DENND1B: variants seen among roughly 807,000 people sequenced by gnomAD.
The protein encoded by DENND1B is DENN domain-containing protein 1B.
Under a neutral mutation model 90.1 loss-of-function variants are expected in DENND1B, and 59 were observed. The ratio of observed to expected loss-of-function variants is 0.65; its 90% CI spans 0.53 to 0.81. The LOEUF is 0.81. Among genes scored for constraint, DENND1B ranks in the 40% least tolerant of loss-of-function variants. DENND1B has a pLI of 0.00. For missense variants in DENND1B, 862 were observed against 912.6 expected, an observed-to-expected ratio of 0.94 and a Z score of 0.71; for synonymous variants, 337 against 324.6, an observed-to-expected ratio of 1.04 and a Z score of -0.41.
chr1:197,617,362 A>C lies in DENND1B; in HGVS notation c.773+297T>G, dbSNP rs1572079378. ...CTCTAACTGACACCATAACTTCTAT[A>C]CAGTTTTCCTAACACAACTTAAGAC... is the stretch of plus-strand genomic sequence containing the variant. On this transcript the variant is annotated intron_variant, in intron 11 of 22. Transcript: ENST00000620048. Among the ~76,000 whole-genome samples, 3 of 151,242 alleles carry C rather than the reference A, an allele frequency of 2.0e-5. No homozygotes were observed. The East Asian group carries it at 5.9e-4, about 29-fold the overall frequency.
chr1:197,677,791 C>G (rs1215004584), intron 3 of DENND1B, among the ~76,000 whole-genome samples: 1 of 152,102 alleles, frequency 6.6e-6, no homozygotes, highest in Admixed American at 6.6e-5. Flanking sequence ...ACTCTCATAG[C>G]AAGAAATGAC....
At chr1:197,704,535 G>T (rs935962894) in intron 3 of DENND1B, among the ~76,000 whole-genome samples, 1 of 151,936 alleles carries the variant, frequency 6.6e-6, no homozygotes, top group East Asian at 1.9e-4. Context: ...ATACTCTCCT[G>T]TACAAAACCC....
At chr1:197,582,321 CA>C (rs941960048) in intron 15 of DENND1B, among the ~76,000 whole-genome samples, 1 of 151,946 alleles carries the variant, frequency 6.6e-6, no homozygotes, top group Non-Finnish European at 1.5e-5. Context: ...TCTAACAGTT[CA>C]AAAAAATTAT....
chr1:197,714,701 T>C (rs777196515), intron 3 of DENND1B, among the ~76,000 whole-genome samples: 8 of 152,110 alleles, frequency 5.3e-5, no homozygotes, highest in Non-Finnish European at 1.0e-4. Flanking sequence ...TTAACAAAGA[T>C]TTCATATTGT....
At chr1:197,569,542 A>G (rs962330550) in intron 15 of DENND1B, among the ~76,000 whole-genome samples, 1 of 140,854 alleles carries the variant, frequency 7.1e-6, no homozygotes, top group African/African-American at 2.7e-5. Flanking sequence ...GAATGGATGA[A>G]TACAAAAAGA....
chr1:197,670,416 A>G (rs1435421214), intron 5 of DENND1B, among the ~76,000 whole-genome samples: 2 of 128,090 alleles, frequency 1.6e-5, no homozygotes, highest in Non-Finnish European at 3.3e-5. Flanking sequence ...TGGGTGCACA[A>G]AAACAACAAT....
chr1:197,536,810 G>A (rs565676403), intron 20 of DENND1B, among the ~76,000 whole-genome samples: 2 of 152,200 alleles, frequency 1.3e-5, no homozygotes, highest in African/African-American at 4.8e-5. Flanking sequence ...GGGAGGCCGA[G>A]GCGGGCAGAT....
In DENND1B at chr1:197,564,860, C is replaced by T. The variant is rs554851745; in HGVS notation, c.1150-11748G>A. Among the ~76,000 whole-genome samples, 5 of 152,064 alleles carry T rather than the reference C, an allele frequency of 3.3e-5. No individual in the cohort carries two copies. The East Asian group carries it at 7.7e-4, about 24-fold the overall frequency. On this transcript the variant is annotated intron_variant, in intron 15 of 22. Transcript: ENST00000620048. ...AGAGAGCAAGCAGTCTGAGACTACACTCTGAGAAACACTATTTAGGATATT... is the reference window on the plus strand; with the variant it reads ...AGAGAGCAAGCAGTCTGAGACTACATTCTGAGAAACACTATTTAGGATATT...
At chr1:197,746,195 C>T (rs555533242) in intron 2 of DENND1B, among the ~76,000 whole-genome samples, 1 of 152,170 alleles carries the variant, frequency 6.6e-6, no homozygotes, top group African/African-American at 2.4e-5. Context: ...AGTTCAAGAC[C>T]AACCTAACCA....
chr1:197,691,654 C>A (rs1322201931), intron 3 of DENND1B, among the ~76,000 whole-genome samples: 1 of 152,006 alleles, frequency 6.6e-6, no homozygotes, highest in Non-Finnish European at 1.5e-5. Context: ...GATATTTGCT[C>A]TTCCATGTTC....
At chr1:197,581,827 A>G (rs982996074) in intron 15 of DENND1B, among the ~76,000 whole-genome samples, 8 of 152,190 alleles carry the variant, frequency 5.3e-5, no homozygotes, top group African/African-American at 1.9e-4. Context: ...TTCACAACTC[A>G]GTTTTGATAA....
chr1:197,515,296 T>C (rs890546522), intron 20 of DENND1B, among the ~76,000 whole-genome samples: 2 of 151,710 alleles, frequency 1.3e-5, no homozygotes, highest in Non-Finnish European at 2.9e-5. Context: ...TGTCTAAAAC[T>C]GGGGCCTATC....
intron 15 of DENND1B, among the ~76,000 whole-genome samples, chr1:197,553,321 CTAAT>C (rs1321379566): frequency 6.6e-6 from 1 of 152,022 alleles, no homozygotes; most frequent in African/African-American, 2.4e-5. Context: ...TAGACAGCAG[CTAAT>C]TAATTAAATT....
chr1:197,743,476 C>CT (rs1194880374), intron 2 of DENND1B, among the ~76,000 whole-genome samples: 5 of 151,998 alleles, frequency 3.3e-5, no homozygotes, highest in African/African-American at 9.7e-5. Flanking sequence ...AAGTTGTAAT[C>CT]TTTTTTTTGG....
intron 1 of DENND1B, 69 bp downstream of exon 1, chr1:197,775,070 A>T (rs1318854794): frequency 9.2e-7 from 1 of 1,088,794 alleles, no homozygotes. Flanking sequence ...GGCGCGGAGG[A>T]GCCGAGCTGG....
At chr1:197,693,857 T>C (rs1428587572) in intron 3 of DENND1B, among the ~76,000 whole-genome samples, 1 of 151,512 alleles carries the variant, frequency 6.6e-6, no homozygotes, top group African/African-American at 2.4e-5. Flanking sequence ...AACTATGGCC[T>C]ACAACTGTCA....
At chr1:197,554,298 A>G (rs886206867) in intron 15 of DENND1B, among the ~76,000 whole-genome samples, 2 of 152,088 alleles carry the variant, frequency 1.3e-5, no homozygotes, top group Non-Finnish European at 2.9e-5. Context: ...GGAAAGATTT[A>G]CATGCTTTTT....
intron 10 of DENND1B, among the ~76,000 whole-genome samples, chr1:197,622,651 C>T (rs1391332689): frequency 1.3e-5 from 2 of 151,270 alleles, no homozygotes; most frequent in Admixed American, 6.6e-5. Context: ...GTAACTACAG[C>T]AGGTAACTAA....
intron 18 of DENND1B, among the ~76,000 whole-genome samples, chr1:197,543,572 T>C (rs570466737): frequency 2.6e-5 from 4 of 152,290 alleles, no homozygotes; most frequent in African/African-American, 9.6e-5. Flanking sequence ...GGTAGTTGTG[T>C]ACTATTTCAT....
Sources: gnomAD v4.1 joint callset for allele counts (sites outside exome capture counted in the v4.1 genomes callset) on GRCh38, gnomAD v4.1.1 for gene constraint, MANE v1.5 for transcripts, NCBI Gene and HGNC (gene_info 2026-07-23, HGNC 2026-07-21) for gene names.